CCDC91: variants seen among roughly 807,000 people sequenced by gnomAD.
CCDC91 encodes the protein coiled-coil domain-containing protein 91.
In CCDC91, 48 loss-of-function variants were observed where a neutral mutation model predicts 63.2. That is an observed-to-expected ratio of 0.76 (90% CI 0.60 to 0.97). CCDC91 has a LOEUF of 0.97. CCDC91 is among the 50% of genes least tolerant of loss of function. The pLI, the probability that CCDC91 is intolerant of heterozygous loss-of-function variation, is 0.00. For missense variants in CCDC91, 500 were observed against 494.6 expected (o/e 1.01, Z -0.10); for synonymous variants, 167 against 165.8 (o/e 1.01, Z -0.06).
chr12:28,206,662 G>A (rs1405254644), intron 1 of CCDC91, among the ~76,000 whole-genome samples: 1 of 152,112 alleles, frequency 6.6e-6, no homozygotes, highest in African/African-American at 2.4e-5. Context: ...TATAATACCT[G>A]ATGTTTTCTC....
At chr12:28,201,569 T>A in intron 1 of CCDC91, among the ~76,000 whole-genome samples, 1 of 127,368 alleles carries the variant, frequency 7.9e-6, no homozygotes, top group Non-Finnish European at 1.7e-5. Flanking sequence ...GAGGGGCTCC[T>A]CACGTCCCAG....
At chr12:28,486,851 A>C (rs61463823) in intron 12 of CCDC91, among the ~76,000 whole-genome samples, 4 of 152,030 alleles carry the variant, frequency 2.6e-5, no homozygotes, top group Admixed American at 2.6e-4. Context: ...CTGAAGTTCT[A>C]CTTCTCTTTG....
At chr12:28,508,559 A>ACAGC (rs1939007846) in intron 12 of CCDC91, among the ~76,000 whole-genome samples, 1 of 151,864 alleles carries the variant, frequency 6.6e-6, no homozygotes, top group Admixed American at 6.6e-5. Context: ...CGATTGTGTA[A>ACAGC]CAGCCCTACC....
intron 6 of CCDC91, among the ~76,000 whole-genome samples, chr12:28,353,661 A>G (rs1007573082): frequency 1.1e-4 from 17 of 152,196 alleles, no homozygotes; most frequent in African/African-American, 4.1e-4. Flanking sequence ...CGAAACACAT[A>G]CAACATTTAT....
At chr12:28,391,164 T>C in intron 7 of CCDC91, 140 bp from the exon 8 acceptor site, 1 of 520,336 alleles carries the variant, frequency 1.9e-6, no homozygotes, top group Non-Finnish European at 3.5e-6. Context: ...ATAAATGTGC[T>C]TCAGTATTAA....
In CCDC91 at chr12:28,305,769, C is replaced by T; in HGVS notation, c.230C>T (p.Ala77Val). 1 of 1,612,878 alleles carries T rather than the reference C, an allele frequency of 6.2e-7. No homozygotes were observed. The change falls in exon 4 of 13, where the codon GCA becomes GTA. Residue 77 changes from alanine (A) to valine (V), a missense_variant. By Grantham distance (64) the Ala-to-Val change is moderately conservative. Transcript: ENST00000536442. Reference sequence around the variant, plus strand: ...TCATCACCAGAGAATACACATGCAGCAAATAGCATTGTGAGTCAAACTATT... The same window carrying T: ...TCATCACCAGAGAATACACATGCAGTAAATAGCATTGTGAGTCAAACTATT... ...IISSPENTHA[A>V]NSIVSQTIPK...
chr12:28,417,189 T>C (rs1947714326), intron 8 of CCDC91, among the ~76,000 whole-genome samples: 1 of 152,146 alleles, frequency 6.6e-6, no homozygotes, highest in South Asian at 2.1e-4. Context: ...GGTTTCCTTT[T>C]TTATTAATTT....
chr12:28,295,943 T>C (rs1159540814), intron 3 of CCDC91, among the ~76,000 whole-genome samples: 2 of 152,026 alleles, frequency 1.3e-5, no homozygotes, highest in Non-Finnish European at 2.9e-5. Flanking sequence ...TATTTTTAGA[T>C]AGTAAATTTG....
At chr12:28,510,071 A>G (rs1409109539) in intron 12 of CCDC91, among the ~76,000 whole-genome samples, 1 of 151,848 alleles carries the variant, frequency 6.6e-6, no homozygotes, top group African/African-American at 2.4e-5. Context: ...TGAATCTTGA[A>G]ATTGCAAAGG....
intron 3 of CCDC91, among the ~76,000 whole-genome samples, chr12:28,291,097 G>A (rs1252576703): frequency 1.3e-5 from 2 of 152,098 alleles, no homozygotes; most frequent in Non-Finnish European, 2.9e-5. Context: ...TCTTTATTAA[G>A]CAAATTAGGA....
At chr12:28,283,219 A>ATT (rs55784913) in intron 3 of CCDC91, among the ~76,000 whole-genome samples, 22 of 138,570 alleles carry the variant, frequency 1.6e-4, no homozygotes, top group Non-Finnish European at 2.3e-4. Context: ...GAATTTTAGG[A>ATT]TTTTTTTTTT....
chr12:28,437,690 A>G lies in CCDC91; in HGVS notation c.763-12471A>G, dbSNP rs897909039. Among the ~76,000 whole-genome samples, 5 of 152,094 alleles carry G rather than the reference A, an allele frequency of 3.3e-5. No homozygotes were observed. In the East Asian group the frequency reaches 7.7e-4, roughly 23 times the overall value. ...ATGTTTAATGTTTTCATTTTATCAC[A>G]CTTGCATTCAGCTTATGAATCCTGT... On this transcript the variant is annotated intron_variant, in intron 8 of 12. Coordinates refer to ENST00000536442, the MANE Select transcript of CCDC91 (RefSeq NM_018318.5).
chr12:28,312,952 G>A (rs1350787356), intron 6 of CCDC91, among the ~76,000 whole-genome samples: 1 of 152,006 alleles, frequency 6.6e-6, no homozygotes, highest in Non-Finnish European at 1.5e-5. Context: ...AAGTTGCCTA[G>A]TCTCGGGTAT....
intron 6 of CCDC91, among the ~76,000 whole-genome samples, chr12:28,358,250 G>T (rs1044145000): frequency 1.3e-4 from 20 of 152,054 alleles, no homozygotes; most frequent in Admixed American, 8.5e-4. Context: ...TTCTCATTCA[G>T]TCATTCAACA....
Position 28,302,629 on chromosome 12 carries a change from TTAG to T in CCDC91, c.110-3014_110-3012del, listed in dbSNP as rs566759433. On this transcript the variant is annotated intron_variant, in intron 3 of 12. Coordinates refer to ENST00000536442, the MANE Select transcript of CCDC91 (RefSeq NM_018318.5). ...TCTGACGGGGCAGAGTCAGGGAATG[TTAG>T]TAGTATGGTGTGACTGGAGTGAAGT... is the stretch of plus-strand genomic sequence containing the variant. 6.2e-4 allele frequency: 614 copies of T among 984,504 alleles called. 2 individuals carry two copies. Among genetic ancestry groups the T allele is most frequent in the Middle Eastern group, 4.2e-3 (8 of 1,916 alleles). The allele number at this position is 984,504 out of a possible 1,614,324, so 61.0% of individuals were successfully genotyped here. A position where few individuals can be genotyped will look rare whatever the true frequency, so the allele number is the denominator to read the frequency against.
rs188522057 is a variant in CCDC91 at position 28,259,920 on chromosome 12, C to T, written c.109+478C>T. On this transcript the variant is annotated intron_variant, in intron 3 of 12. Transcript: ENST00000536442. Reference sequence around the variant, plus strand: ...TTATTGACAGATGTTTCTTGGAAGACCTCATGTTTAATATTAATTTATGTC... The same window carrying T: ...TTATTGACAGATGTTTCTTGGAAGATCTCATGTTTAATATTAATTTATGTC... 1.9e-3 allele frequency among the ~76,000 whole-genome samples: 291 copies of T among 151,882 alleles called. 3 individuals are homozygous for T. The highest frequency in any genetic ancestry group is 6.6e-3 in the African/African-American group (274 of 41,490).
intron 1 of CCDC91, among the ~76,000 whole-genome samples, chr12:28,238,971 T>A (rs1320480985): frequency 6.6e-6 from 1 of 151,910 alleles, no homozygotes; most frequent in Non-Finnish European, 1.5e-5. Flanking sequence ...GTACAAAGAT[T>A]AGCTGGGCAT....
At chr12:28,285,247 C>G (rs1253453296) in intron 3 of CCDC91, among the ~76,000 whole-genome samples, 1 of 152,044 alleles carries the variant, frequency 6.6e-6, no homozygotes, top group Non-Finnish European at 1.5e-5. Flanking sequence ...AAGGGGCTTT[C>G]GAGATGAACA....
At chr12:28,535,793 C>A (rs1942106454) in intron 12 of CCDC91, among the ~76,000 whole-genome samples, 1 of 151,936 alleles carries the variant, frequency 6.6e-6, no homozygotes, top group African/African-American at 2.4e-5. Context: ...CTTTGGGAGG[C>A]CAAGGTGGGC....
Sources: gnomAD v4.1 joint callset for allele counts (sites outside exome capture counted in the v4.1 genomes callset) on GRCh38, gnomAD v4.1.1 for gene constraint, MANE v1.5 for transcripts, NCBI Gene and HGNC (gene_info 2026-07-23, HGNC 2026-07-21) for gene names.